TMEM94: variants seen among roughly 807,000 people sequenced by gnomAD.
TMEM94 encodes the protein ER Mg2+ ATPase.
TMEM94 carries 81 observed loss-of-function variants against 158.6 expected under a neutral mutation model. The observed-to-expected ratio is 0.51, with a 90% CI of 0.43 to 0.61. TMEM94 has a LOEUF of 0.61. TMEM94 is among the 20% of genes least tolerant of loss of function. The probability of loss-of-function intolerance (pLI) is 0.00; values close to 1 mark genes in which losing one functional copy is unlikely to be tolerated. For synonymous variants in TMEM94, 751 were observed against 730.7 expected (o/e 1.03, Z -0.45); for missense variants, 1,435 against 1,762.0 (o/e 0.81, Z 3.32).
intron 16 of TMEM94, 182 bp from the exon 17 acceptor site, chr17:75,493,309 A>G: frequency 1.2e-6 from 1 of 824,318 alleles, no homozygotes; most frequent in South Asian, 1.7e-5. Context: ...AAGGATGGGA[A>G]TATGGTGTCT....
rs2051684330 is a variant in TMEM94, at chr17:75,487,031, T to C, written c.409+605T>C. On this transcript the variant is annotated intron_variant, in intron 5 of 31. Coordinates refer to ENST00000314256, the MANE Select transcript of TMEM94 (RefSeq NM_014738.6). This position sits in a 1 kb window ranked among gnomAD's most constrained non-coding sequence, Gnocchi z 4.6. ...AAGCAGCACCCACTCATGAGACCTT[T>C]CTCCAACAGACCTGGGCAGTGGACG... Among the ~76,000 whole-genome samples the C allele has an allele frequency of 6.6e-6, 1 of 152,118 alleles. No homozygotes were observed. Among genetic ancestry groups the C allele is most frequent in the South Asian group, 2.1e-4 (1 of 4,828 alleles).
chr17:75,458,549 G>C (rs903455858), intron 1 of TMEM94, among the ~76,000 whole-genome samples: 2 of 151,864 alleles, frequency 1.3e-5, no homozygotes, highest in African/African-American at 4.8e-5. Flanking sequence ...AAATTAGCTG[G>C]GCATGGTGGC....
chr17:75,470,809 C>T (rs1288855667), intron 1 of TMEM94, among the ~76,000 whole-genome samples: 1 of 151,448 alleles, frequency 6.6e-6, no homozygotes, highest in Non-Finnish European at 1.5e-5. Flanking sequence ...ATCCCAGCTA[C>T]TTGAGGGGCT....
chr17:75,495,112 C>T lies in TMEM94; in HGVS notation c.2728+78C>T. 1 of 1,557,210 alleles carries T rather than the reference C, an allele frequency of 6.4e-7. No homozygotes were observed. The highest frequency in any genetic ancestry group is 1.2e-5 in the South Asian group (1 of 84,242). ...CCTCAGAGCCACAGCCAGGAAGAGC[C>T]TCCGGAGAGCCCTCCAGTTAAGTAC... On this transcript the variant is annotated intron_variant, in intron 20 of 31. Transcript: ENST00000314256. The surrounding 1 kb of genome is among the most constrained non-coding windows in gnomAD (Gnocchi z 5.6).
In TMEM94 at chr17:75,492,597, A is replaced by G. The variant is rs1263773889; in HGVS notation, c.1720A>G (p.Asn574Asp). 5 of 1,613,858 alleles carry G rather than the reference A, an allele frequency of 3.1e-6. No homozygotes were observed. In the Admixed American group the frequency reaches 6.7e-5, roughly 22 times the overall value. The change falls in exon 15 of 32, where the codon AAC becomes GAC. Residue 574 changes from asparagine to aspartate, a missense_variant. By Grantham distance (23) the Asn-to-Asp change is conservative. This residue lies in a region of TMEM94 where 1,051 missense variants were observed against 1,254.4 expected (regional missense o/e 0.84). Coordinates refer to ENST00000314256, the MANE Select transcript of TMEM94 (RefSeq NM_014738.6). The surrounding 1 kb of genome is among the most constrained non-coding windows in gnomAD (Gnocchi z 4.4). ...NPSCIQFDDS[N>D]WQLHLTSLKP... ...CTCCTGCATCCAGTTTGATGACTCC[A>G]ACTGGCAGCTGCACCTCACCTCCCT...
rs776381939 is a variant in TMEM94, at chr17:75,486,032, A to G, written c.272+34A>G. On this transcript the variant is annotated intron_variant, in intron 4 of 31. Transcript: ENST00000314256. ...CCAGGGGCTGCTCCCCAACCTCTCC[A>G]GCTGTGCTGTCCATCCTGCCGCGGC... 82 of 1,544,500 alleles carry G rather than the reference A, an allele frequency of 5.3e-5. 1 individual carries two copies. The Middle Eastern group carries it at 1.3e-3, about 25-fold the overall frequency.
chr17:75,457,084 C>G (rs952455965), intron 1 of TMEM94, among the ~76,000 whole-genome samples: 2 of 152,190 alleles, frequency 1.3e-5, no homozygotes, highest in African/African-American at 4.8e-5. Flanking sequence ...GCTCCCAACG[C>G]CGACGCCCTG....
Position 75,498,499 on chromosome 17 carries a change from G to A in TMEM94, c.3694G>A (p.Ala1232Thr). The change falls in exon 29 of 32, where the codon GCT becomes ACT. Residue 1232 changes from alanine (A) to threonine (T), a missense_variant. Transcript: ENST00000314256. This position sits in a 1 kb window ranked among gnomAD's most constrained non-coding sequence, Gnocchi z 6.7. Reference sequence around the variant, plus strand: ...GGACTTTGCCAATGGACTGCTGTCGGCTCAGAAGCTCACGGCCGCCCTGAT... The same window carrying A: ...GGACTTTGCCAATGGACTGCTGTCGACTCAGAAGCTCACGGCCGCCCTGAT... ...FEDFANGLLSAQKLTAALIVL... is the reference protein window; with the variant it reads ...FEDFANGLLSTQKLTAALIVL... The A allele has an allele frequency of 6.3e-7, 1 of 1,596,584 alleles. No individual in the cohort carries two copies. The highest frequency in any genetic ancestry group is 8.5e-7 in the Non-Finnish European group (1 of 1,170,604).
chr17:75,496,845 C>G (rs374163840), intron 25 of TMEM94, 38 bp downstream of exon 25: 1 of 1,586,780 alleles, frequency 6.3e-7, no homozygotes, highest in East Asian at 2.2e-5. Flanking sequence ...CCCCGTGCCA[C>G]TCACCCCTTC....
In TMEM94 at chr17:75,492,427, C is replaced by T. The variant is rs748168005; in HGVS notation, c.1597-47C>T. 5 of 1,536,416 alleles carry T rather than the reference C, an allele frequency of 3.3e-6. No homozygotes were observed. Among genetic ancestry groups the T allele is most frequent in the Non-Finnish European group, 8.8e-7 (1 of 1,138,800 alleles). Reference sequence around the variant, plus strand: ...AGGTGGGCAGAGCCAGTGCTGGCTTCCCCACACCCTATCCCGGGCTGAGGC... The same window carrying T: ...AGGTGGGCAGAGCCAGTGCTGGCTTTCCCACACCCTATCCCGGGCTGAGGC... On this transcript the variant is annotated intron_variant, in intron 14 of 31. Coordinates refer to ENST00000314256, the MANE Select transcript of TMEM94 (RefSeq NM_014738.6). This position sits in a 1 kb window ranked among gnomAD's most constrained non-coding sequence, Gnocchi z 4.4.
intron 2 of TMEM94, among the ~76,000 whole-genome samples, chr17:75,477,287 C>G (rs2050749983): frequency 6.6e-6 from 1 of 152,228 alleles, no homozygotes; most frequent in Non-Finnish European, 1.5e-5. Flanking sequence ...TGCAGACAGT[C>G]CATCTGTGTC....
At chr17:75,490,848 C>T in intron 11 of TMEM94, 90 bp downstream of exon 11, 1 of 1,288,810 alleles carries the variant, frequency 7.8e-7, no homozygotes, top group Non-Finnish European at 1.1e-6. Flanking sequence ...AGCCTCCAAC[C>T]AGGCTCTTAG....
chr17:75,493,955 C>T (rs55768663), intron 18 of TMEM94, 39 bp downstream of exon 18: 81,908 of 1,572,102 alleles, frequency 0.052, 4,727 homozygotes, highest in African/African-American at 0.29. Context: ...GGTGCTGGGG[C>T]TCCCCTGGGC....
intron 18 of TMEM94, 102 bp downstream of exon 18, chr17:75,494,018 A>G (rs1363002085): frequency 3.6e-6 from 4 of 1,124,088 alleles, no homozygotes; most frequent in Non-Finnish European, 5.1e-6. Context: ...CACCCCCCAC[A>G]GCAAAGGGGG....
intron 1 of TMEM94, among the ~76,000 whole-genome samples, chr17:75,465,679 ATTTT>A (rs66618031): frequency 0.5 from 61,615 of 124,418 alleles, 16,231 homozygotes; most frequent in Non-Finnish European, 0.58. Context: ...ATATATATAT[ATTTT>A]TTTTTAATCC....
intron 1 of TMEM94, among the ~76,000 whole-genome samples, chr17:75,463,035 AAAAT>A (rs1393744048): frequency 2.9e-4 from 1 of 3,418 alleles, no homozygotes; most frequent in Non-Finnish European, 5.6e-4. Context: ...AAAAAAAAAA[AAAAT>A]ATATATATAT....
At position 75,498,119 on chromosome 17, in the gene TMEM94, G is replaced by C. The variant is rs72851930; in HGVS notation, c.3490-56G>C. On this transcript the variant is annotated intron_variant, in intron 27 of 31. Transcript: ENST00000314256. This position sits in a 1 kb window ranked among gnomAD's most constrained non-coding sequence, Gnocchi z 6.7. ...GCCCGTTGAATACGTGGAAGAGCTA[G>C]GAGCAGCCGGCAGAGGGGCTGTGCG... The C allele has an allele frequency of 0.047, 75,739 of 1,603,830 alleles. 2,030 individuals carry two copies. Among genetic ancestry groups the C allele is most frequent in the Non-Finnish European group, 0.055 (64,361 of 1,173,778 alleles).
At position 75,487,788 on chromosome 17, in the gene TMEM94, A is replaced by T; in HGVS notation, c.410-144A>T. 1 of 656,960 alleles carries T rather than the reference A, an allele frequency of 1.5e-6. No homozygotes were observed. Among genetic ancestry groups the T allele is most frequent in the Non-Finnish European group, 2.7e-6 (1 of 376,998 alleles). The allele number at this position is 656,960 out of a possible 1,614,324, so 40.7% of individuals were successfully genotyped here. A position where few individuals can be genotyped will look rare whatever the true frequency, so the allele number is the denominator to read the frequency against. ...AAGGGAGGCATCCTTGAAAGCAGGG[A>T]AGTGTTGGAACGAGTGGAGGGGTTT... is the stretch of plus-strand genomic sequence containing the variant. On this transcript the variant is annotated intron_variant, in intron 5 of 31. Coordinates refer to ENST00000314256, the MANE Select transcript of TMEM94 (RefSeq NM_014738.6). This position sits in a 1 kb window ranked among gnomAD's most constrained non-coding sequence, Gnocchi z 4.6.
At position 75,492,187 on chromosome 17, in the gene TMEM94, A is replaced by G. The variant is rs921437588; in HGVS notation, c.1596+287A>G. On this transcript the variant is annotated intron_variant, in intron 14 of 31. Coordinates refer to ENST00000314256, the MANE Select transcript of TMEM94 (RefSeq NM_014738.6). The surrounding 1 kb of genome is among the most constrained non-coding windows in gnomAD (Gnocchi z 4.4). ...TCCCTCTTAGAGATGTTCCCTGGCC[A>G]CAGAAGATCCCTCAACTGTGTCCTC... The G allele has an allele frequency of 3.1e-6, 4 of 1,273,120 alleles. No homozygotes were observed. Among genetic ancestry groups the G allele is most frequent in the African/African-American group, 3.0e-5 (2 of 66,432 alleles). 78.9% of individuals were successfully genotyped at this position (1,273,120 alleles called of 1,614,324 possible). A position where few individuals can be genotyped will look rare whatever the true frequency, so the allele number is the denominator to read the frequency against.
Sources: gnomAD v4.1 joint callset for allele counts (sites outside exome capture counted in the v4.1 genomes callset) on GRCh38, gnomAD v4.1.1 for gene constraint, gnomAD v4.1.1 regional missense constraint, Gnocchi (gnomAD v3.1) non-coding constraint, MANE v1.5 for transcripts, NCBI Gene and HGNC (gene_info 2026-07-23, HGNC 2026-07-21) for gene names.